Variants in PUDP observed in about 807,000 individuals in gnomAD.
The protein encoded by PUDP is pseudouridine 5'-phosphatase.
A neutral mutation model predicts 9.4 loss-of-function variants in PUDP; 8 were observed. The ratio of observed to expected loss-of-function variants is 0.85; its 90% CI spans 0.50 to 1.53. The LOEUF is 1.53. PUDP is among the 40% of genes most tolerant of loss of function. The pLI is 0.00. For missense variants in PUDP, 188 were observed against 189.7 expected, an observed-to-expected ratio of 0.99 and a Z score of 0.05; for synonymous variants, 99 against 80.7, an observed-to-expected ratio of 1.23 and a Z score of -1.22.
chrX:6,967,850 C>A (rs943756301), intron 3 of PUDP, among the ~76,000 whole-genome samples: 1 of 111,749 alleles, frequency 8.9e-6, no homozygotes, highest in African/African-American at 3.3e-5. Context: ...AAGAAATTCC[C>A]TGACCTACCT....
intron 1 of PUDP, among the ~76,000 whole-genome samples, chrX:7,119,088 T>A (rs1246068605): frequency 8.9e-6 from 1 of 112,331 alleles, no homozygotes; most frequent in Admixed American, 9.4e-5. Context: ...AGCTAACTAA[T>A]TTCAATGACC....
chrX:7,027,550 T>C (rs1168001821), intron 1 of PUDP, among the ~76,000 whole-genome samples: 2 of 102,982 alleles, frequency 1.9e-5, no homozygotes, highest in African/African-American at 3.5e-5. Context: ...TGTGTGAATA[T>C]ATATATGAGA....
chrX:7,054,092 T>C (rs1166690840), intron 3 of PUDP, among the ~76,000 whole-genome samples: 1 of 111,883 alleles, frequency 8.9e-6, no homozygotes, highest in Non-Finnish European at 1.9e-5. Flanking sequence ...TCAAGGTTGG[T>C]AACTGGTTGC....
chrX:6,957,720 A>T (rs1456520713), intron 3 of PUDP, among the ~76,000 whole-genome samples: 2 of 112,492 alleles, frequency 1.8e-5, no homozygotes, highest in African/African-American at 6.5e-5. Flanking sequence ...TTGGAAGAGC[A>T]GGCTAGAAAA....
chrX:6,932,544 C>A (rs192298239), intron 3 of PUDP, among the ~76,000 whole-genome samples: 16 of 111,222 alleles, frequency 1.4e-4, no homozygotes, highest in Non-Finnish European at 2.5e-4. Context: ...GCGTGAGCGA[C>A]GCAGAAGACG....
At chrX:6,790,743 A>G (rs1925731273) in intron 3 of PUDP, among the ~76,000 whole-genome samples, 1 of 112,572 alleles carries the variant, frequency 8.9e-6, no homozygotes, top group East Asian at 2.8e-4. Flanking sequence ...TAGTTAAACA[A>G]TATTCACATA....
At chrX:6,913,598 C>T (rs777717537) in intron 3 of PUDP, among the ~76,000 whole-genome samples, 24 of 111,607 alleles carry the variant, frequency 2.2e-4, no homozygotes, top group Non-Finnish European at 3.6e-4. Flanking sequence ...TCATCTTACC[C>T]ACTCCAGTCT....
intron 3 of PUDP, among the ~76,000 whole-genome samples, chrX:6,889,170 T>C (rs368330988): frequency 5.1e-4 from 57 of 112,323 alleles, no homozygotes; most frequent in African/African-American, 1.7e-3. Flanking sequence ...ATTATATTAC[T>C]GTCTTCAGAG....
chrX:6,732,603 G>C (rs1924822860), intron 3 of PUDP, among the ~76,000 whole-genome samples: 1 of 98,700 alleles, frequency 1.0e-5, no homozygotes, highest in Admixed American at 1.1e-4. Context: ...AAGGAGAAGG[G>C]AAGGGAAGGA....
At chrX:7,092,869 C>T (rs185763777) in intron 2 of PUDP, among the ~76,000 whole-genome samples, 2 of 112,421 alleles carry the variant, frequency 1.8e-5, no homozygotes, top group African/African-American at 6.5e-5. Context: ...ATGTGAAAAA[C>T]CACATTTGTG....
At chrX:7,075,086 T>G (rs1930852998) in intron 3 of PUDP, among the ~76,000 whole-genome samples, 1 of 112,323 alleles carries the variant, frequency 8.9e-6, no homozygotes, top group Admixed American at 9.4e-5. Context: ...GTTCATGACA[T>G]GGAGCTCCTA....
At chrX:6,752,615 T>C (rs1418303934) in intron 3 of PUDP, among the ~76,000 whole-genome samples, 2 of 111,407 alleles carry the variant, frequency 1.8e-5, no homozygotes, top group Non-Finnish European at 3.8e-5. Flanking sequence ...AAGGAGTTTA[T>C]AGAACAGAGT....
intron 3 of PUDP, among the ~76,000 whole-genome samples, chrX:7,058,031 A>G (rs1396330777): frequency 1.8e-5 from 2 of 111,120 alleles, no homozygotes; most frequent in Non-Finnish European, 3.8e-5. Flanking sequence ...TCTTCTCAGC[A>G]GCTGGGATCA....
chrX:6,984,258 G>A (rs1338062034), intron 1 of PUDP, among the ~76,000 whole-genome samples: 1 of 111,838 alleles, frequency 8.9e-6, no homozygotes, highest in East Asian at 2.8e-4. Flanking sequence ...GACTGGAGAG[G>A]GGAAGGAAAA....
intron 1 of PUDP, among the ~76,000 whole-genome samples, chrX:6,718,840 A>C (rs1316573636): frequency 3.6e-5 from 4 of 112,106 alleles, no homozygotes; most frequent in African/African-American, 1.3e-4. Flanking sequence ...GAGGGGGCTT[A>C]TGAAGATAGC....
intron 3 of PUDP, among the ~76,000 whole-genome samples, chrX:6,855,927 T>C (rs1926899037): frequency 1.8e-5 from 2 of 111,341 alleles, no homozygotes. Context: ...CTCTCAGTTC[T>C]TGCCAGATAT....
chrX:6,986,801 G>A (rs960798815), intron 1 of PUDP, among the ~76,000 whole-genome samples: 2 of 112,202 alleles, frequency 1.8e-5, no homozygotes, highest in East Asian at 5.6e-4. Flanking sequence ...GCTCAGAGGT[G>A]ATAAAAAGGA....
chrX:6,824,490 C>T (rs112811517), intron 3 of PUDP, among the ~76,000 whole-genome samples: 8,369 of 111,010 alleles, frequency 0.075, 276 homozygotes, highest in African/African-American at 0.1. Flanking sequence ...TCATAGGTCT[C>T]AGTCTTATTT....
At chrX:7,031,142 T>C (rs1444144529) in intron 1 of PUDP, among the ~76,000 whole-genome samples, 1 of 111,246 alleles carries the variant, frequency 9.0e-6, no homozygotes, top group East Asian at 2.8e-4. Context: ...GGAGTTTCAC[T>C]GGCTTCTGTG....
Sources: gnomAD v4.1 joint callset for allele counts (sites outside exome capture counted in the v4.1 genomes callset) on GRCh38, gnomAD v4.1.1 for gene constraint, MANE v1.5 for transcripts, NCBI Gene and HGNC (gene_info 2026-07-23, HGNC 2026-07-21) for gene names.